The following MDFIC2 variants were observed in gnomAD, a reference collection of about 807,000 sequenced individuals.
MDFIC2 encodes the protein MyoD family inhibitor domain containing 2.
chr3:70,249,504 C>G (rs1310201717), intron 2 of MDFIC2: 1 of 152,156 alleles, frequency 6.6e-6, no homozygotes, highest in African/African-American at 2.4e-5. Context: ...ACATCTTTCT[C>G]TTTCTGATTA....
In MDFIC2 at chr3:70,195,478, G is replaced by C. The variant is rs528755816; in HGVS notation, c.*1448C>G. 1.2e-4 allele frequency among the ~76,000 whole-genome samples: 19 copies of C among 152,266 alleles called. 1 individual carries two copies. The South Asian group carries it at 3.5e-3, about 28-fold the overall frequency. The stretch of plus-strand genomic sequence containing the variant: ...TTTTAACAGATGAATAGTTTTCAAT[G>C]TTTGGGAGAGTTTATTTCAAATTGG... On this transcript the variant is annotated 3_prime_UTR_variant, in exon 4 of 4. Transcript: ENST00000567252.
chr3:70,232,579 T>C, intron 2 of MDFIC2, among the ~76,000 whole-genome samples: 1 of 152,116 alleles, frequency 6.6e-6, no homozygotes, highest in African/African-American at 2.4e-5. Context: ...TTTGTATTTT[T>C]GATAGAGACG....
chr3:70,212,083 C>A (rs1033978132), intron 2 of MDFIC2, among the ~76,000 whole-genome samples: 1 of 152,040 alleles, frequency 6.6e-6, no homozygotes, highest in Non-Finnish European at 1.5e-5. Flanking sequence ...ACACTCACAT[C>A]GTCATTGATT....
At chr3:70,216,006 T>G (rs529831021) in intron 2 of MDFIC2, among the ~76,000 whole-genome samples, 1 of 152,208 alleles carries the variant, frequency 6.6e-6, no homozygotes, top group South Asian at 2.1e-4. Flanking sequence ...TGCATTGATA[T>G]CTGTAGAACT....
chr3:70,275,317 C>T (rs1001374445), intron 2 of MDFIC2, among the ~76,000 whole-genome samples: 1 of 151,960 alleles, frequency 6.6e-6, no homozygotes, highest in African/African-American at 2.4e-5. Context: ...GAGCCCAGCC[C>T]AGGCAACATA....
chr3:70,273,576 T>TA (rs749527162), intron 2 of MDFIC2, among the ~76,000 whole-genome samples: 45 of 151,872 alleles, frequency 3.0e-4, no homozygotes, highest in Non-Finnish European at 5.6e-4. Context: ...ATGAGGACAT[T>TA]AAAAAAAAGA....
At chr3:70,295,531 C>T (rs888165120) in intron 2 of MDFIC2, among the ~76,000 whole-genome samples, 2 of 151,854 alleles carry the variant, frequency 1.3e-5, no homozygotes, top group African/African-American at 2.4e-5. Context: ...AGTGAGATCC[C>T]GTCTCTACAA....
At chr3:70,261,697 A>G (rs1488258279) in intron 2 of MDFIC2, among the ~76,000 whole-genome samples, 1 of 152,200 alleles carries the variant, frequency 6.6e-6, no homozygotes, top group African/African-American at 2.4e-5. Flanking sequence ...ATGCCAAGTT[A>G]TCTTGCAGAT....
At chr3:70,210,606 A>G (rs920299383) in intron 2 of MDFIC2, among the ~76,000 whole-genome samples, 7 of 152,156 alleles carry the variant, frequency 4.6e-5, no homozygotes, top group Admixed American at 1.3e-4. Flanking sequence ...GAAACATAAA[A>G]AGTAGTGTCA....
At chr3:70,288,939 G>T (rs1350864264) in intron 2 of MDFIC2, among the ~76,000 whole-genome samples, 1 of 151,538 alleles carries the variant, frequency 6.6e-6, no homozygotes, top group Non-Finnish European at 1.5e-5. Flanking sequence ...CTTTTATTTT[G>T]AGCCTATGTG....
Position 70,221,872 on chromosome 3 carries a change from A to T in MDFIC2, c.89-15082T>A, listed in dbSNP as rs181179204. ...AATTGAGGTTTTGTCGTTACTTTCAATTGGAAAAACCGCAATTTGTGCCAA... is the reference window on the plus strand; with the variant it reads ...AATTGAGGTTTTGTCGTTACTTTCATTTGGAAAAACCGCAATTTGTGCCAA... On this transcript the variant is annotated intron_variant, in intron 2 of 3. Transcript: ENST00000567252. Among the ~76,000 whole-genome samples, 106 of 152,274 alleles carry T rather than the reference A, an allele frequency of 7.0e-4. 1 individual carries two copies. Among genetic ancestry groups the T allele is most frequent in the Admixed American group, 1.6e-3 (25 of 15,288 alleles).
chr3:70,298,969 G>C (rs533064082), intron 2 of MDFIC2, among the ~76,000 whole-genome samples: 1 of 152,108 alleles, frequency 6.6e-6, no homozygotes, highest in Non-Finnish European at 1.5e-5. Flanking sequence ...ACTAAGCTGA[G>C]GCATTGATGT....
Position 70,203,335 on chromosome 3 carries a change from C to T in MDFIC2, c.310+3234G>A, listed in dbSNP as rs553788862. Among the ~76,000 whole-genome samples, 7 of 152,206 alleles carry T rather than the reference C, an allele frequency of 4.6e-5. No individual in the cohort carries two copies. In the South Asian group the frequency reaches 1.2e-3, roughly 27 times the overall value. On this transcript the variant is annotated intron_variant, in intron 3 of 3. Coordinates refer to ENST00000567252, the MANE Select transcript of MDFIC2 (RefSeq NM_001364677.1). ...AGTGTAAAAATCGGTTCCCACTCCC[C>T]CACACTGAGTTCTTTAAAAAATGTC...
intron 2 of MDFIC2, among the ~76,000 whole-genome samples, chr3:70,268,913 A>G (rs776822254): frequency 5.8e-4 from 88 of 152,282 alleles, no homozygotes; most frequent in Admixed American, 2.4e-3. Context: ...TATGGCCTCT[A>G]TTAATAACTG....
intron 2 of MDFIC2, among the ~76,000 whole-genome samples, chr3:70,237,410 A>G (rs762497235): frequency 1.3e-5 from 2 of 152,174 alleles, no homozygotes; most frequent in South Asian, 2.1e-4. Flanking sequence ...AGACTTTTCT[A>G]TCTTGACCTC....
chr3:70,282,507 A>C (rs76625907), intron 2 of MDFIC2, among the ~76,000 whole-genome samples: 1,995 of 152,278 alleles, frequency 0.013, 34 homozygotes, highest in African/African-American at 0.045. Flanking sequence ...CTCTGGTTTT[A>C]GCTCTTATCA....
intron 2 of MDFIC2, among the ~76,000 whole-genome samples, chr3:70,290,637 T>C (rs1575617249): frequency 1.3e-5 from 2 of 152,324 alleles, no homozygotes; most frequent in Admixed American, 6.5e-5. Context: ...GCCTGGGCAA[T>C]GGCGGGCGCC....
chr3:70,241,429 G>T (rs1420344727), intron 2 of MDFIC2, among the ~76,000 whole-genome samples: 1 of 152,102 alleles, frequency 6.6e-6, no homozygotes, highest in African/African-American at 2.4e-5. Context: ...CACTAAAAAA[G>T]TTTATATCTC....
intron 2 of MDFIC2, chr3:70,283,813 TA>T (rs1350634057): frequency 6.6e-6 from 1 of 151,538 alleles, no homozygotes; most frequent in African/African-American, 2.4e-5. Context: ...AAAAGGCAAA[TA>T]TGGCCAAATG....
Sources: allele counts gnomAD v4.1 joint callset (sites outside exome capture counted in the v4.1 genomes callset), GRCh38; gene constraint gnomAD v4.1.1; transcripts MANE v1.5; gene names NCBI Gene and HGNC (gene_info 2026-07-23, HGNC 2026-07-21).